Variants in PAK3 observed in about 807,000 individuals in gnomAD.
PAK3 encodes the protein serine/threonine-protein kinase PAK 3.
A neutral mutation model predicts 41.0 loss-of-function variants in PAK3; 4 were observed. That is an observed-to-expected ratio of 0.10 (90% CI 0.05 to 0.22). The LOEUF (loss-of-function observed/expected upper bound fraction) is 0.22. Among genes scored for constraint, PAK3 ranks in the 10% least tolerant of loss-of-function variants. The pLI is 1.00. For synonymous variants in PAK3, 146 were observed against 139.6 expected, an observed-to-expected ratio of 1.05 and a Z score of -0.32; for missense variants, 205 against 409.9, an observed-to-expected ratio of 0.50 and a Z score of 4.32.
intron 1 of PAK3, among the ~76,000 whole-genome samples, chrX:111,014,702 C>A (rs2092062819): frequency 9.0e-6 from 1 of 111,699 alleles, no homozygotes; most frequent in Non-Finnish European, 1.9e-5. Context: ...TGCTAAGCCC[C>A]CAAGCCTGAA....
rs187373591 is a variant in PAK3 at position 111,148,555 on chromosome X, C to T, written c.430+665C>T. Among the ~76,000 whole-genome samples the T allele has an allele frequency of 8.1e-5, 9 of 111,478 alleles. No individual in the cohort carries two copies. In the East Asian group the frequency reaches 1.4e-3, roughly 18 times the overall value. On this transcript the variant is annotated intron_variant, in intron 7 of 17. Transcript: ENST00000372007. ...AGAAAAAGAGGTTTAATTGGACTTA[C>T]GGTTCCACATGGCTGGTGAGACCTC...
chrX:111,195,808 G>T (rs1212904242), intron 14 of PAK3, 34 bp from the exon 15 acceptor site: 1 of 858,158 alleles, frequency 1.2e-6, no homozygotes, highest in Non-Finnish European at 1.7e-6. Flanking sequence ...AATTATTTGT[G>T]ATATAATTAG....
chrX:111,150,579 C>A (rs1452761374), intron 7 of PAK3, among the ~76,000 whole-genome samples: 1 of 111,415 alleles, frequency 9.0e-6, no homozygotes, highest in Non-Finnish European at 1.9e-5. Context: ...GAATCAAAAG[C>A]AAAAACCCAT....
intron 6 of PAK3, among the ~76,000 whole-genome samples, chrX:111,144,213 C>T (rs1442736802): frequency 8.9e-6 from 1 of 111,832 alleles, no homozygotes; most frequent in African/African-American, 3.2e-5. Context: ...GAAACAAATA[C>T]TCCTCTCCCT....
At position 111,100,737 on chromosome X, in the gene PAK3, C is replaced by CGCCAAG. The variant is rs2093115689; in HGVS notation, c.-175-2420_-175-2415dup. ...GTCCATAGCTTCCACCTACCCCCAC[C>CGCCAAG]GCCAAGGTGGCAGCCCTAGTCCCCA... On this transcript the variant is annotated intron_variant, in intron 3 of 17. Transcript: ENST00000372007. Among the ~76,000 whole-genome samples the CGCCAAG allele has an allele frequency of 6.3e-5, 7 of 111,836 alleles. No homozygotes were observed. The South Asian group carries it at 2.7e-3, about 42-fold the overall frequency.
intron 8 of PAK3, among the ~76,000 whole-genome samples, chrX:111,159,177 T>G (rs931076366): frequency 9.0e-6 from 1 of 111,594 alleles, no homozygotes; most frequent in Non-Finnish European, 1.9e-5. Context: ...AATTTCTTGT[T>G]AAATCATTGT....
At chrX:110,957,564 A>G (rs2090888744) in intron 1 of PAK3, among the ~76,000 whole-genome samples, 1 of 112,002 alleles carries the variant, frequency 8.9e-6, no homozygotes, top group Non-Finnish European at 1.9e-5. Flanking sequence ...GCTTGGGTAC[A>G]GTAGACATTG....
At chrX:110,977,731 T>G (rs915932911) in intron 1 of PAK3, among the ~76,000 whole-genome samples, 2 of 112,238 alleles carry the variant, frequency 1.8e-5, no homozygotes, top group Non-Finnish European at 3.8e-5. Context: ...ATAAAATTGA[T>G]ATTTTGTATA....
intron 1 of PAK3, among the ~76,000 whole-genome samples, chrX:110,978,288 AT>A (rs919196598): frequency 9.2e-6 from 1 of 108,304 alleles, no homozygotes; most frequent in Admixed American, 9.8e-5. Context: ...TCATTTGGCT[AT>A]TTTTTTGTTT....
chrX:111,217,579 A>C (rs1354787039), intron 17 of PAK3: 2 of 955,813 alleles, frequency 2.1e-6, no homozygotes, highest in African/African-American at 2.0e-5. Context: ...GGCAAAAACT[A>C]TCCCACCCTA....
At chrX:111,050,811 A>C (rs1012229816) in intron 1 of PAK3, among the ~76,000 whole-genome samples, 13 of 112,769 alleles carry the variant, frequency 1.2e-4, no homozygotes, top group African/African-American at 4.2e-4. Context: ...TGCTTGTGCA[A>C]AGAGCATATA....
intron 4 of PAK3, among the ~76,000 whole-genome samples, chrX:111,122,209 T>C (rs1269125022): frequency 1.0e-5 from 1 of 96,164 alleles, no homozygotes; most frequent in African/African-American, 4.1e-5. Flanking sequence ...TGAGCCGAGA[T>C]TGCGCCACTG....
chrX:111,151,331 A>G (rs144173120), intron 7 of PAK3, among the ~76,000 whole-genome samples: 2,302 of 112,451 alleles, frequency 0.02, 30 homozygotes, highest in Middle Eastern at 0.056. Context: ...TTAGTTTTAT[A>G]TGCCAAATTT....
chrX:110,981,676 C>T (rs1485332402), intron 1 of PAK3, among the ~76,000 whole-genome samples: 1 of 110,286 alleles, frequency 9.1e-6, no homozygotes, highest in East Asian at 2.8e-4. Context: ...ATCCTTTCTA[C>T]TAACAGAGCT....
At chrX:110,991,760 G>T (rs1001875052) in intron 1 of PAK3, among the ~76,000 whole-genome samples, 3 of 111,347 alleles carry the variant, frequency 2.7e-5, no homozygotes, top group Non-Finnish European at 5.7e-5. Context: ...AATTTCTTTT[G>T]TTGAGAAAAT....
intron 1 of PAK3, among the ~76,000 whole-genome samples, chrX:111,012,534 A>T (rs921621234): frequency 8.9e-6 from 1 of 112,130 alleles, no homozygotes; most frequent in African/African-American, 3.2e-5. Context: ...GGCAGCAGAC[A>T]TGTTTTGGTT....
At chrX:111,199,540 A>G (rs1224161434) in intron 16 of PAK3, among the ~76,000 whole-genome samples, 3 of 111,882 alleles carry the variant, frequency 2.7e-5, no homozygotes, top group Non-Finnish European at 1.9e-5. Context: ...TTACTTTAAC[A>G]AAGTAAATAA....
intron 1 of PAK3, among the ~76,000 whole-genome samples, chrX:110,978,542 G>A (rs1360524846): frequency 1.8e-5 from 2 of 111,382 alleles, no homozygotes; most frequent in African/African-American, 6.5e-5. Context: ...ACCGTAGTTG[G>A]TCATGATGTA....
At chrX:111,004,220 G>T (rs914863146) in intron 1 of PAK3, among the ~76,000 whole-genome samples, 1 of 111,738 alleles carries the variant, frequency 8.9e-6, no homozygotes, top group African/African-American at 3.3e-5. Context: ...AAGAATTTGG[G>T]GCTTTTATTC....
Sources: gnomAD v4.1 joint callset for allele counts (sites outside exome capture counted in the v4.1 genomes callset) on GRCh38, gnomAD v4.1.1 for gene constraint, MANE v1.5 for transcripts, NCBI Gene and HGNC (gene_info 2026-07-23, HGNC 2026-07-21) for gene names.